The following RNGTT variants were observed in gnomAD, a reference collection of about 807,000 sequenced individuals.
The protein encoded by RNGTT is mRNA-capping enzyme.
Under a neutral mutation model 79.3 loss-of-function variants are expected in RNGTT, and 33 were observed. That is an observed-to-expected ratio of 0.42 (90% CI 0.32 to 0.56). The LOEUF is 0.56. Among genes scored for constraint, RNGTT ranks in the 20% least tolerant of loss-of-function variants. The probability of loss-of-function intolerance (pLI) is 0.17; values close to 1 mark genes in which losing one functional copy is unlikely to be tolerated. For missense variants in RNGTT, 497 were observed against 739.1 expected (o/e 0.67, Z 3.80); for synonymous variants, 222 against 235.9 (o/e 0.94, Z 0.54).
intron 13 of RNGTT, among the ~76,000 whole-genome samples, chr6:88,714,774 G>A (rs1776448618): frequency 6.6e-6 from 1 of 152,062 alleles, no homozygotes; most frequent in African/African-American, 2.4e-5. Flanking sequence ...TTTTAAAAAT[G>A]TAAACTGAAC....
intron 9 of RNGTT, among the ~76,000 whole-genome samples, chr6:88,853,108 A>C (rs1461671708): frequency 6.6e-6 from 1 of 152,234 alleles, no homozygotes; most frequent in Non-Finnish European, 1.5e-5. Flanking sequence ...AAAATATCTC[A>C]AAGTCTTACT....
intron 2 of RNGTT, 50 bp downstream of exon 2, chr6:88,941,021 A>T: frequency 5.4e-6 from 6 of 1,102,462 alleles, no homozygotes; most frequent in Non-Finnish European, 8.2e-6. Flanking sequence ...GAAGAACAAG[A>T]CTGAACAAAG....
rs1397379082 is a variant in RNGTT at position 88,929,280 on chromosome 6, A to T, written c.175-13T>A. ...AGCCCATTTTAACCTAAAAAAAAAAAAAAATGAAAGGGCAAATTTACTAGT... is the reference window on the plus strand; with the variant it reads ...AGCCCATTTTAACCTAAAAAAAAAATAAAATGAAAGGGCAAATTTACTAGT... On this transcript the variant is annotated splice_polypyrimidine_tract_variant and intron_variant, in intron 2 of 15. Transcript: ENST00000369485. 6.4e-7 allele frequency: 1 copy of T among 1,566,956 alleles called. No homozygotes were observed. The highest frequency in any genetic ancestry group is 2.2e-5 in the East Asian group (1 of 44,610).
chr6:88,822,718 T>A (rs1361842915), intron 11 of RNGTT, among the ~76,000 whole-genome samples: 1 of 152,174 alleles, frequency 6.6e-6, no homozygotes, highest in East Asian at 1.9e-4. Context: ...TATCAGAAAG[T>A]GTGTCTGTAT....
intron 14 of RNGTT, among the ~76,000 whole-genome samples, chr6:88,675,908 G>A (rs1195608270): frequency 6.6e-6 from 1 of 152,160 alleles, no homozygotes; most frequent in Non-Finnish European, 1.5e-5. Context: ...ATATTGCTGG[G>A]AGACCTAAAT....
At chr6:88,635,279 T>G (rs1773058942) in intron 14 of RNGTT, among the ~76,000 whole-genome samples, 1 of 152,094 alleles carries the variant, frequency 6.6e-6, no homozygotes, top group South Asian at 2.1e-4. Flanking sequence ...TCACACATAT[T>G]TGAAAATACA....
intron 14 of RNGTT, among the ~76,000 whole-genome samples, chr6:88,674,665 A>C (rs1774789517): frequency 6.6e-6 from 1 of 152,220 alleles, no homozygotes; most frequent in South Asian, 2.1e-4. Flanking sequence ...AAAATATGTC[A>C]TATAAGCAGG....
chr6:88,649,715 A>G (rs893121909), intron 14 of RNGTT, among the ~76,000 whole-genome samples: 1 of 152,130 alleles, frequency 6.6e-6, no homozygotes, highest in Non-Finnish European at 1.5e-5. Context: ...AAAGGTTCTA[A>G]AAGCCATAAA....
chr6:88,865,006 T>C (rs1393861505), intron 8 of RNGTT, among the ~76,000 whole-genome samples: 1 of 152,132 alleles, frequency 6.6e-6, no homozygotes, highest in Non-Finnish European at 1.5e-5. Context: ...AAGATAGATG[T>C]TGGTGACAGT....
chr6:88,801,945 AT>A (rs1334796601), intron 11 of RNGTT, among the ~76,000 whole-genome samples: 1 of 152,120 alleles, frequency 6.6e-6, no homozygotes, highest in Non-Finnish European at 1.5e-5. Context: ...CTGAAAACAT[AT>A]TTTTAAATGT....
At chr6:88,676,957 G>A (rs1185495927) in intron 14 of RNGTT, among the ~76,000 whole-genome samples, 11 of 152,122 alleles carry the variant, frequency 7.2e-5, no homozygotes, top group Non-Finnish European at 1.3e-4. Flanking sequence ...AATGCTCACA[G>A]CAGCTTTATT....
intron 6 of RNGTT, among the ~76,000 whole-genome samples, chr6:88,893,156 CAGAT>C (rs1336028066): frequency 6.6e-6 from 1 of 152,046 alleles, no homozygotes; most frequent in Admixed American, 6.5e-5. Context: ...AAAGCTCAAC[CAGAT>C]AGATGAGGTT....
chr6:88,768,278 TTTTG>T (rs965776326), intron 13 of RNGTT, among the ~76,000 whole-genome samples: 20 of 151,960 alleles, frequency 1.3e-4, no homozygotes, highest in Admixed American at 5.2e-4. Context: ...CCCGGCTAAT[TTTTG>T]TTTGTTTTAG....
intron 13 of RNGTT, among the ~76,000 whole-genome samples, chr6:88,685,390 T>C (rs1775239632): frequency 6.6e-6 from 1 of 152,210 alleles, no homozygotes; most frequent in Non-Finnish European, 1.5e-5. Context: ...AGAAAGGGTA[T>C]CTAGGAAATC....
chr6:88,792,605 AT>A (rs1562255400), intron 12 of RNGTT, among the ~76,000 whole-genome samples: 1 of 152,164 alleles, frequency 6.6e-6, no homozygotes, highest in Non-Finnish European at 1.5e-5. Flanking sequence ...ACATATTTCC[AT>A]TTTTTTAAAG....
chr6:88,878,932 TG>T (rs1318266096), intron 8 of RNGTT, among the ~76,000 whole-genome samples: 2 of 152,206 alleles, frequency 1.3e-5, no homozygotes, highest in African/African-American at 4.8e-5. Context: ...CTCCTCAGCA[TG>T]TAAAACTTTT....
At chr6:88,725,404 T>G (rs115276254) in intron 13 of RNGTT, among the ~76,000 whole-genome samples, 2 of 151,022 alleles carry the variant, frequency 1.3e-5, no homozygotes, top group African/African-American at 5.0e-5. Flanking sequence ...AGGAAAAAGC[T>G]GCAGGGTGGT....
intron 1 of RNGTT, among the ~76,000 whole-genome samples, chr6:88,958,076 CACTT>C (rs2127966964): frequency 6.6e-6 from 1 of 152,262 alleles, no homozygotes; most frequent in African/African-American, 2.4e-5. Context: ...GAAAGCCAAA[CACTT>C]ACAGCCAACT....
chr6:88,836,908 A>G (rs1222271429), intron 11 of RNGTT, among the ~76,000 whole-genome samples: 1 of 152,170 alleles, frequency 6.6e-6, no homozygotes, highest in African/African-American at 2.4e-5. Context: ...CCCCCAAAAA[A>G]AAGAAAGAAG....
Sources: allele counts gnomAD v4.1 joint callset (sites outside exome capture counted in the v4.1 genomes callset), GRCh38; gene constraint gnomAD v4.1.1; transcripts MANE v1.5; gene names NCBI Gene and HGNC (gene_info 2026-07-23, HGNC 2026-07-21).